The following BICRA variants were observed in gnomAD, a reference collection of about 807,000 sequenced individuals.
The protein encoded by BICRA is BRD4-interacting chromatin-remodeling complex-associated protein.
A neutral mutation model predicts 96.9 loss-of-function variants in BICRA; 31 were observed. The observed-to-expected ratio is 0.32, with a 90% CI of 0.24 to 0.43. The LOEUF (loss-of-function observed/expected upper bound fraction) is 0.43. Among genes scored for constraint, BICRA ranks in the 20% least tolerant of loss-of-function variants. The probability of loss-of-function intolerance (pLI) is 1.00; values close to 1 mark genes in which losing one functional copy is unlikely to be tolerated. For missense variants in BICRA, 2,283 were observed against 2,190.3 expected (o/e 1.04, Z -0.84); for synonymous variants, 1,350 against 1,071.8 (o/e 1.26, Z -5.07).
chr19:47,664,666 C>T (rs887687447), intron 1 of BICRA, among the ~76,000 whole-genome samples: 4 of 152,226 alleles, frequency 2.6e-5, no homozygotes, highest in African/African-American at 7.2e-5. Flanking sequence ...GTGTGCCAGG[C>T]AGCTTCGGCT....
Position 47,679,503 on chromosome 19 carries a change from C to G in BICRA, c.333C>G (p.Ala111=), listed in dbSNP as rs1262013527. Reference sequence around the variant, plus strand: ...TCCTCCAGCAGAGCCTCCAAGAGGCCAACATCACGGAGCAGACGCTGGAGG... The same window carrying G: ...TCCTCCAGCAGAGCCTCCAAGAGGCGAACATCACGGAGCAGACGCTGGAGG... The part of the protein sequence containing the change: ...CDILQQSLQE[A]NITEQTLEAE... Residue 111 remains alanine (A), a synonymous_variant, in exon 6 of 15, where the codon GCC becomes GCG. Coordinates refer to ENST00000594866, the MANE Select transcript of BICRA (RefSeq NM_001394372.1). The G allele has an allele frequency of 6.5e-7, 1 of 1,546,514 alleles. No individual in the cohort carries two copies. The highest frequency in any genetic ancestry group is 1.4e-5 in the African/African-American group (1 of 72,698).
At chr19:47,667,244 T>C (rs556590088) in intron 1 of BICRA, among the ~76,000 whole-genome samples, 5 of 152,266 alleles carry the variant, frequency 3.3e-5, no homozygotes, top group Admixed American at 2.6e-4. Context: ...CTCGATCTCC[T>C]GACCTTGTGA....
At chr19:47,684,528 C>T (rs1973116235) in intron 7 of BICRA, among the ~76,000 whole-genome samples, 1 of 152,156 alleles carries the variant, frequency 6.6e-6, no homozygotes, top group Admixed American at 6.5e-5. Context: ...CCATGTTGGC[C>T]AGGCTGGTCT....
chr19:47,667,258 G>T (rs1026431998), intron 1 of BICRA, among the ~76,000 whole-genome samples: 1 of 152,032 alleles, frequency 6.6e-6, no homozygotes, highest in Non-Finnish European at 1.5e-5. Flanking sequence ...CTTGTGATCC[G>T]CCCGCCTTGG....
At chr19:47,651,547 C>T (rs759709604) in intron 1 of BICRA, among the ~76,000 whole-genome samples, 4 of 152,128 alleles carry the variant, frequency 2.6e-5, no homozygotes, top group African/African-American at 9.7e-5. Flanking sequence ...GCCGGTAGAA[C>T]GTGAGCTCTG....
chr19:47,694,701 A>T lies in BICRA; in HGVS notation c.2870A>T (p.Lys957Met). Reference protein sequence around the residue: ...TTPFPALPQPKALLERFHQVP... With the variant: ...TTPFPALPQPMALLERFHQVP... ...CCCTTCCCAGCGCTGCCCCAGCCGA[A>T]GGCTCTTCTCGAGAGATTTCACCAG... is the stretch of plus-strand genomic sequence containing the variant. The change falls in exon 8 of 15, where the codon AAG becomes ATG. Residue 957 changes from lysine to methionine, a missense_variant. Coordinates refer to ENST00000594866, the MANE Select transcript of BICRA (RefSeq NM_001394372.1). 6.4e-7 allele frequency: 1 copy of T among 1,569,066 alleles called. No homozygotes were observed. The highest frequency in any genetic ancestry group is 8.7e-7 in the Non-Finnish European group (1 of 1,149,466).
rs538716911 is a variant in BICRA, at chr19:47,698,343, G to C, written c.3249-291G>C. ...CTTCCAGGCTCTGGCCTCACTTCCC[G>C]CTCTGCTCTTCCTCCCTTACGTGCT... On this transcript the variant is annotated intron_variant, in intron 11 of 14. Transcript: ENST00000594866. This position sits in a 1 kb window ranked among gnomAD's most constrained non-coding sequence, Gnocchi z 4.8. Among the ~76,000 whole-genome samples the C allele has an allele frequency of 2.7e-4, 41 of 152,242 alleles. No homozygotes were observed. Among genetic ancestry groups the C allele is most frequent in the African/African-American group, 9.9e-4 (41 of 41,552 alleles).
intron 1 of BICRA, among the ~76,000 whole-genome samples, chr19:47,610,319 C>T (rs1023857515): frequency 4.3e-4 from 65 of 152,230 alleles, no homozygotes; most frequent in African/African-American, 1.3e-3. Flanking sequence ...GCTGCTTGGG[C>T]CTTGGTGCGC....
chr19:47,658,988 C>T (rs1248432469), intron 1 of BICRA, among the ~76,000 whole-genome samples: 1 of 152,136 alleles, frequency 6.6e-6, no homozygotes, highest in Non-Finnish European at 1.5e-5. Context: ...TGTACTTTAC[C>T]CTCTCCCAGG....
chr19:47,647,181 G>A (rs541656009), intron 1 of BICRA, among the ~76,000 whole-genome samples: 5 of 152,046 alleles, frequency 3.3e-5, no homozygotes, highest in South Asian at 2.1e-4. Flanking sequence ...TTGTTTATCC[G>A]TTCAGTTGGT....
intron 1 of BICRA, among the ~76,000 whole-genome samples, chr19:47,645,490 C>T (rs748382316): frequency 2.0e-5 from 3 of 151,984 alleles, no homozygotes; most frequent in Non-Finnish European, 2.9e-5. Flanking sequence ...CAACCCGCTG[C>T]ATTCATAATA....
intron 1 of BICRA, among the ~76,000 whole-genome samples, chr19:47,649,586 A>G (rs1972512927): frequency 6.6e-6 from 1 of 152,206 alleles, no homozygotes; most frequent in Admixed American, 6.5e-5. Context: ...AGGTTAGGGA[A>G]TTAGTAGAAA....
In BICRA at chr19:47,680,661, C is replaced by A; in HGVS notation, c.1491C>A (p.Ile497=). ...SALPANVGGQ[I]LAAAAPHTGG... Reference sequence around the variant, plus strand: ...TGCCGGCCAACGTGGGCGGGCAGATCCTGGCGGCCGCTGCCCCCCACACAG... The same window carrying A: ...TGCCGGCCAACGTGGGCGGGCAGATACTGGCGGCCGCTGCCCCCCACACAG... The change falls in exon 6 of 15, where the codon ATC becomes ATA. Residue 497 remains isoleucine (I), a synonymous_variant. Coordinates refer to ENST00000594866, the MANE Select transcript of BICRA (RefSeq NM_001394372.1). The A allele has an allele frequency of 1.2e-6, 2 of 1,607,018 alleles. No individual in the cohort carries two copies. The highest frequency in any genetic ancestry group is 1.7e-6 in the Non-Finnish European group (2 of 1,176,884).
chr19:47,690,979 C>A (rs1264733747), intron 7 of BICRA, among the ~76,000 whole-genome samples: 1 of 152,110 alleles, frequency 6.6e-6, no homozygotes, highest in Non-Finnish European at 1.5e-5. Context: ...TATTGCTATG[C>A]AGGAAATTAC....
intron 1 of BICRA, among the ~76,000 whole-genome samples, chr19:47,632,520 C>T (rs1348547530): frequency 6.6e-6 from 1 of 152,208 alleles, no homozygotes; most frequent in Non-Finnish European, 1.5e-5. Context: ...GATGGGAGAG[C>T]TGGCTGCATC....
intron 1 of BICRA, among the ~76,000 whole-genome samples, chr19:47,635,172 C>T (rs1972281733): frequency 6.6e-6 from 1 of 151,674 alleles, no homozygotes; most frequent in Admixed American, 6.6e-5. Context: ...AAAATTGAAC[C>T]ATTTTTAAGT....
Position 47,685,741 on chromosome 19 carries a change from C to CTGTGTGTGTGTGTGTGTGTG in BICRA, c.2283+3616_2283+3635dup, listed in dbSNP as rs3074109. Among the ~76,000 whole-genome samples, 38 of 115,546 alleles carry CTGTGTGTGTGTGTGTGTGTG rather than the reference C, an allele frequency of 3.3e-4. 1 individual carries two copies. Among genetic ancestry groups the CTGTGTGTGTGTGTGTGTGTG allele is most frequent in the South Asian group, 9.7e-4 (3 of 3,078 alleles). 75.8% of individuals were successfully genotyped at this position (115,546 alleles called of 152,430 possible). Reference sequence around the variant, plus strand: ...TGTACCCAGATGGATTTGGCAGCCTCTGTGTGTGTGTGTGTGTGTGTGTGT... The same window carrying CTGTGTGTGTGTGTGTGTGTG: ...TGTACCCAGATGGATTTGGCAGCCTCTGTGTGTGTGTGTGTGTGTGTGTGTGTGTGTGTGTGTGTGTGTGT... On this transcript the variant is annotated intron_variant, in intron 7 of 14. Coordinates refer to ENST00000594866, the MANE Select transcript of BICRA (RefSeq NM_001394372.1).
chr19:47,653,722 G>T (rs972178828), intron 1 of BICRA, among the ~76,000 whole-genome samples: 4 of 152,170 alleles, frequency 2.6e-5, no homozygotes, highest in African/African-American at 9.7e-5. Context: ...AATAGTCTGT[G>T]ATATGGATAC....
chr19:47,699,474 A>G lies in BICRA; in HGVS notation c.3595+69A>G. 1 of 910,442 alleles carries G rather than the reference A, an allele frequency of 1.1e-6. No individual in the cohort carries two copies. Among genetic ancestry groups the G allele is most frequent in the Non-Finnish European group, 1.8e-6 (1 of 566,282 alleles). The allele number at this position is 910,442 out of a possible 1,614,324, so 56.4% of individuals were successfully genotyped here. The stretch of plus-strand genomic sequence containing the variant: ...CACCCCACCTGGGCAGAAGAGTTAG[A>G]TTCAGGGCGGGGAGTGGGTGTGTGG... On this transcript the variant is annotated intron_variant, in intron 14 of 14. Transcript: ENST00000594866. This position sits in a 1 kb window ranked among gnomAD's most constrained non-coding sequence, Gnocchi z 5.0.
Sources: gnomAD v4.1 joint callset for allele counts (sites outside exome capture counted in the v4.1 genomes callset) on GRCh38, gnomAD v4.1.1 for gene constraint, Gnocchi (gnomAD v3.1) non-coding constraint, MANE v1.5 for transcripts, NCBI Gene and HGNC (gene_info 2026-07-23, HGNC 2026-07-21) for gene names.